The following DCAF6 variants were observed in gnomAD, a reference collection of about 807,000 sequenced individuals.
DCAF6 encodes DDB1 and CUL4 associated factor 6, also known as DDB1- and CUL4-associated factor 6.
Under a neutral mutation model 125.1 loss-of-function variants are expected in DCAF6, and 54 were observed. That is an observed-to-expected ratio of 0.43 (90% confidence interval 0.35 to 0.54). The LOEUF is 0.54. Among genes scored for constraint, DCAF6 ranks in the 20% least tolerant of loss-of-function variants. DCAF6 has a pLI of 0.01. For synonymous variants in DCAF6, 371 were observed against 390.4 expected (o/e 0.95, Z 0.58); for missense variants, 934 against 1,161.7 (o/e 0.80, Z 2.85).
the DCAF6 span, among the ~76,000 whole-genome samples, chr1:167,929,193 T>C: frequency 1.3e-5 from 2 of 150,962 alleles, no homozygotes; most frequent in African/African-American, 4.9e-5. Context: ...ACCCCATCTC[T>C]ACTAAAAATA....
chr1:168,071,828 T>G (rs1438579291), intron 21 of DCAF6, among the ~76,000 whole-genome samples: 1 of 152,208 alleles, frequency 6.6e-6, no homozygotes, highest in African/African-American at 2.4e-5. Flanking sequence ...AACCTCTGAC[T>G]TCCACTCAGT....
At chr1:168,047,534 T>C (rs1294201022) in intron 16 of DCAF6, among the ~76,000 whole-genome samples, 1 of 152,106 alleles carries the variant, frequency 6.6e-6, no homozygotes, top group African/African-American at 2.4e-5. Context: ...CTACATGGTA[T>C]TTTGTTTTGT....
At chr1:167,885,189 T>C in the DCAF6 span, among the ~76,000 whole-genome samples, 24 of 152,362 alleles carry the variant, frequency 1.6e-4, no homozygotes, top group African/African-American at 5.1e-4. Context: ...CATTTCTCTG[T>C]TGATGGACAC....
rs112809110 is a variant in DCAF6 at position 167,994,559 on chromosome 1, A to G, written c.903+1119A>G. Reference sequence around the variant, plus strand: ...AAGTGGGAAAAAGATAAGTTAAAGTAGTTGTATATATTGAAAAGTAGGTGA... The same window carrying G: ...AAGTGGGAAAAAGATAAGTTAAAGTGGTTGTATATATTGAAAAGTAGGTGA... On this transcript the variant is annotated intron_variant, in intron 7 of 21. Transcript: ENST00000367840. Among the ~76,000 whole-genome samples, 447 of 152,312 alleles carry G rather than the reference A, an allele frequency of 2.9e-3. 1 individual carries two copies. Among genetic ancestry groups the G allele is most frequent in the African/African-American group, 0.01 (425 of 41,578 alleles).
intron 18 of DCAF6, among the ~76,000 whole-genome samples, chr1:168,064,915 TTAAG>T (rs1185001691): frequency 6.6e-6 from 1 of 152,206 alleles, no homozygotes; most frequent in Non-Finnish European, 1.5e-5. Context: ...CTTCATAAAA[TTAAG>T]TATGTTTGTA....
At chr1:167,904,610 T>C in the DCAF6 span, 1,005 of 512,524 alleles carry the variant, frequency 2.0e-3, 2 homozygotes, top group Non-Finnish European at 3.0e-3. Context: ...CAAACACTTC[T>C]GAAGAGGTGG....
At position 167,995,630 on chromosome 1, in the gene DCAF6, G is replaced by C. The variant is rs550929327; in HGVS notation, c.903+2190G>C. 5.8e-4 allele frequency among the ~76,000 whole-genome samples: 87 copies of C among 148,962 alleles called. No individual in the cohort carries two copies. The South Asian group carries it at 0.013, about 22-fold the overall frequency. The stretch of plus-strand genomic sequence containing the variant: ...AAGAGAAGGAGGTTGCATGAGCCGA[G>C]ATCACGCCATTGCACTCCAGCCTGG... On this transcript the variant is annotated intron_variant, in intron 7 of 21. Transcript: ENST00000367840.
chr1:167,920,962 T>G, the DCAF6 span, among the ~76,000 whole-genome samples: 1 of 152,262 alleles, frequency 6.6e-6, no homozygotes, highest in East Asian at 1.9e-4. Context: ...ACATATGAAT[T>G]TATATACTCT....
chr1:167,883,674 T>C, the DCAF6 span: 2 of 1,594,340 alleles, frequency 1.3e-6, no homozygotes, highest in African/African-American at 2.7e-5. Flanking sequence ...TGGCAGTGGA[T>C]CCCTCCCCCA....
chr1:167,934,091 T>A (rs374092447), upstream of DCAF6, among the ~76,000 whole-genome samples: 13 of 152,276 alleles, frequency 8.5e-5, no homozygotes, highest in East Asian at 1.5e-3. Flanking sequence ...GGGGTTAAAA[T>A]AACTGAACGA....
chr1:167,866,771 G>T, the DCAF6 span, among the ~76,000 whole-genome samples: 1 of 144,214 alleles, frequency 6.9e-6, no homozygotes, highest in Non-Finnish European at 1.5e-5. Flanking sequence ...AAAAAAGAAT[G>T]GTTATCTTCA....
chr1:168,034,112 T>C (rs114065251), intron 12 of DCAF6, among the ~76,000 whole-genome samples: 2,781 of 152,358 alleles, frequency 0.018, 77 homozygotes, highest in African/African-American at 0.063. Context: ...AGTAACAACA[T>C]CAACAATTGA....
chr1:168,075,031 C>CTCA (rs1288201399), intron 21 of DCAF6, among the ~76,000 whole-genome samples: 3 of 152,210 alleles, frequency 2.0e-5, no homozygotes, highest in Admixed American at 2.0e-4. Context: ...CATATTTTCT[C>CTCA]TCACACAGCT....
the DCAF6 span, among the ~76,000 whole-genome samples, chr1:167,929,317 C>G: frequency 1.3e-5 from 2 of 152,016 alleles, no homozygotes; most frequent in Non-Finnish European, 2.9e-5. Context: ...CGAGATTGCA[C>G]CATTGCACTC....
the DCAF6 span, among the ~76,000 whole-genome samples, chr1:167,905,943 A>C: frequency 5.8e-3 from 891 of 152,332 alleles, 5 homozygotes; most frequent in African/African-American, 0.021. Context: ...CTGAACAGTA[A>C]AAGCAAACAC....
intron 12 of DCAF6, among the ~76,000 whole-genome samples, chr1:168,025,451 C>G (rs1374398258): frequency 1.3e-5 from 2 of 152,138 alleles, no homozygotes; most frequent in Non-Finnish European, 2.9e-5. Flanking sequence ...TATTGAGTGG[C>G]TTTGGCAGAA....
At chr1:168,036,860 GAAAC>G (rs1210663769) in intron 12 of DCAF6, among the ~76,000 whole-genome samples, 1 of 152,214 alleles carries the variant, frequency 6.6e-6, no homozygotes, top group Non-Finnish European at 1.5e-5. Flanking sequence ...AAATAGTACA[GAAAC>G]AAAGTGACTT....
At chr1:168,061,287 T>C (rs1265850186) in intron 17 of DCAF6, among the ~76,000 whole-genome samples, 6 of 152,226 alleles carry the variant, frequency 3.9e-5, no homozygotes, top group Non-Finnish European at 4.4e-5. Context: ...AAAACACTTT[T>C]TAAGTAAGTC....
At chr1:168,000,842 A>G (rs1158787160) in intron 7 of DCAF6, among the ~76,000 whole-genome samples, 1 of 152,064 alleles carries the variant, frequency 6.6e-6, no homozygotes, top group Non-Finnish European at 1.5e-5. Flanking sequence ...AGCTGAGCAG[A>G]GGGATGAGTG....
Sources: allele counts gnomAD v4.1 joint callset (sites outside exome capture counted in the v4.1 genomes callset), GRCh38; gene constraint gnomAD v4.1.1; transcripts MANE v1.5; gene names NCBI Gene and HGNC (gene_info 2026-07-23, HGNC 2026-07-21).